The following AGBL4 variants were observed in gnomAD, a reference collection of about 807,000 sequenced individuals.
The protein encoded by AGBL4 is cytosolic carboxypeptidase 6.
In AGBL4, 58 loss-of-function variants were observed where a neutral mutation model predicts 66.4. The observed-to-expected ratio is 0.87, with a 90% CI of 0.71 to 1.09. The LOEUF (loss-of-function observed/expected upper bound fraction) is 1.09, where lower values mean the gene tolerates loss of function less well. Among genes scored for constraint, AGBL4 ranks in the 50% least tolerant of loss-of-function variants. The pLI is 0.00. For missense variants in AGBL4, 579 were observed against 631.0 expected (o/e 0.92, Z 0.88); for synonymous variants, 234 against 222.9 (o/e 1.05, Z -0.44).
intron 11 of AGBL4, among the ~76,000 whole-genome samples, chr1:48,580,790 T>C (rs773526104): frequency 7.9e-5 from 12 of 152,178 alleles, no homozygotes; most frequent in Admixed American, 2.6e-4. Context: ...AATCTTTCTC[T>C]TTCTCTCCAT....
intron 3 of AGBL4, among the ~76,000 whole-genome samples, chr1:49,457,742 G>T (rs1377668442): frequency 1.3e-5 from 2 of 151,754 alleles, no homozygotes; most frequent in African/African-American, 4.8e-5. Context: ...TTTGTACAAG[G>T]TGAGACATAA....
At chr1:49,578,407 G>GA (rs973837781) in intron 3 of AGBL4, among the ~76,000 whole-genome samples, 15 of 151,906 alleles carry the variant, frequency 9.9e-5, no homozygotes, top group Admixed American at 7.9e-4. Context: ...ACTCCACCAG[G>GA]AAAAAAAACC....
rs1214847871 is a variant in AGBL4 at position 49,073,269 on chromosome 1, C to T, written c.378-27469G>A. ...CTATGAGTTTGTCAAACTCATTCTT[C>T]GTACAGTTTTGTTCCCTGGCTTGCA... On this transcript the variant is annotated intron_variant, in intron 4 of 13. Transcript: ENST00000371839. Among the ~76,000 whole-genome samples the T allele has an allele frequency of 1.3e-5, 2 of 152,086 alleles. 1 individual carries two copies. Among genetic ancestry groups the T allele is most frequent in the African/African-American group, 4.8e-5 (2 of 41,426 alleles).
At chr1:49,769,091 C>T (rs1423843725) in intron 2 of AGBL4, among the ~76,000 whole-genome samples, 1 of 152,090 alleles carries the variant, frequency 6.6e-6, no homozygotes, top group Admixed American at 6.5e-5. Flanking sequence ...TCGTGATCTG[C>T]CCACCTCGGC....
chr1:49,545,463 C>T (rs1047935210), intron 3 of AGBL4, among the ~76,000 whole-genome samples: 10 of 152,112 alleles, frequency 6.6e-5, no homozygotes, highest in Admixed American at 5.9e-4. Flanking sequence ...AGCAGAGAAC[C>T]CAGCTAAGAT....
chr1:48,726,303 T>C (rs1647269185), intron 6 of AGBL4, among the ~76,000 whole-genome samples: 1 of 152,194 alleles, frequency 6.6e-6, no homozygotes, highest in South Asian at 2.1e-4. Flanking sequence ...GTTAGTGTCT[T>C]TGTTACTCAC....
chr1:48,749,599 T>C (rs928099094), intron 6 of AGBL4, among the ~76,000 whole-genome samples: 4 of 152,150 alleles, frequency 2.6e-5, no homozygotes, highest in African/African-American at 9.7e-5. Flanking sequence ...TAATGCTCAC[T>C]CTGTGGGACC....
At chr1:48,944,941 T>A (rs1656336636) in intron 5 of AGBL4, among the ~76,000 whole-genome samples, 1 of 152,192 alleles carries the variant, frequency 6.6e-6, no homozygotes, top group Non-Finnish European at 1.5e-5. Flanking sequence ...AGATCTCTGA[T>A]TAGGAGGGCC....
intron 1 of AGBL4, among the ~76,000 whole-genome samples, chr1:49,908,133 GA>G (rs1650457852): frequency 6.6e-6 from 1 of 152,136 alleles, no homozygotes; most frequent in Non-Finnish European, 1.5e-5. Context: ...TAGGACTTTA[GA>G]AGATTCAAAG....
chr1:49,903,646 G>C (rs1181923167), intron 1 of AGBL4, among the ~76,000 whole-genome samples: 1 of 152,060 alleles, frequency 6.6e-6, no homozygotes. Context: ...ATGAATAATA[G>C]ATGAAATATC....
At chr1:49,629,728 A>C (rs1170763467) in intron 3 of AGBL4, among the ~76,000 whole-genome samples, 1 of 152,196 alleles carries the variant, frequency 6.6e-6, no homozygotes, top group Non-Finnish European at 1.5e-5. Flanking sequence ...ATACATGGTC[A>C]TCAGTCCCTT....
chr1:49,222,767 G>A (rs976354215), intron 4 of AGBL4, among the ~76,000 whole-genome samples: 14 of 152,096 alleles, frequency 9.2e-5, no homozygotes, highest in Non-Finnish European at 1.9e-4. Context: ...AGTAATAAAT[G>A]GACTGCTCAT....
chr1:49,944,194 C>T lies in AGBL4; in HGVS notation c.34+79569G>A, dbSNP rs1655012637. 2.6e-5 allele frequency among the ~76,000 whole-genome samples: 4 copies of T among 152,060 alleles called. No homozygotes were observed. In the South Asian group the frequency reaches 8.3e-4, roughly 32 times the overall value. On this transcript the variant is annotated intron_variant, in intron 1 of 13. Coordinates refer to ENST00000371839, the MANE Select transcript of AGBL4 (RefSeq NM_032785.4). ...CCACCACCTAATCCTCCCCATACTA[C>T]CACAGCTGATGCTCTTTTGAAAGCG... is the stretch of plus-strand genomic sequence containing the variant.
intron 3 of AGBL4, among the ~76,000 whole-genome samples, chr1:49,520,775 A>G (rs1650191897): frequency 6.6e-6 from 1 of 151,338 alleles, no homozygotes; most frequent in African/African-American, 2.4e-5. Context: ...TTAGCTTTCA[A>G]TGTAGAAGTT....
intron 5 of AGBL4, among the ~76,000 whole-genome samples, chr1:48,918,788 G>A (rs1416109061): frequency 6.6e-6 from 1 of 152,190 alleles, no homozygotes; most frequent in Non-Finnish European, 1.5e-5. Flanking sequence ...ACAGTTGCTA[G>A]GAGCCCTCAC....
At chr1:50,009,907 A>G (rs187176313) in intron 1 of AGBL4, among the ~76,000 whole-genome samples, 23 of 152,336 alleles carry the variant, frequency 1.5e-4, no homozygotes, top group Admixed American at 7.2e-4. Flanking sequence ...CAATAGTCAC[A>G]AATGAAATTA....
At chr1:49,805,009 C>A (rs11811557) in intron 2 of AGBL4, among the ~76,000 whole-genome samples, 2,301 of 152,122 alleles carry the variant, frequency 0.015, 69 homozygotes, top group African/African-American at 0.052. Flanking sequence ...TATTTAAAGT[C>A]AAGTAATTAG....
chr1:48,787,222 A>G (rs1645430950), intron 6 of AGBL4, among the ~76,000 whole-genome samples: 1 of 152,150 alleles, frequency 6.6e-6, no homozygotes, highest in South Asian at 2.1e-4. Flanking sequence ...CCTCATTGAC[A>G]GGATTTGTGC....
At chr1:48,756,001 C>A (rs1010928560) in intron 6 of AGBL4, among the ~76,000 whole-genome samples, 35 of 152,104 alleles carry the variant, frequency 2.3e-4, no homozygotes, top group Non-Finnish European at 1.5e-5. Context: ...TGGGGGTGCC[C>A]GAGTTAAAAG....
Sources: gnomAD v4.1 joint callset for allele counts (sites outside exome capture counted in the v4.1 genomes callset) on GRCh38, gnomAD v4.1.1 for gene constraint, MANE v1.5 for transcripts, NCBI Gene and HGNC (gene_info 2026-07-23, HGNC 2026-07-21) for gene names.